ADGRB3: variants seen among roughly 807,000 people sequenced by gnomAD.
ADGRB3 encodes the protein adhesion G protein-coupled receptor B3, also known as brain-specific angiogenesis inhibitor 3.
In ADGRB3, 37 loss-of-function variants were observed where a neutral mutation model predicts 193.4. The ratio of observed to expected loss-of-function variants is 0.19; its 90% CI spans 0.15 to 0.25. The LOEUF (loss-of-function observed/expected upper bound fraction) is 0.25, where lower values mean the gene tolerates loss of function less well. ADGRB3 is among the 10% of genes least tolerant of loss of function. ADGRB3 has a pLI of 1.00. For missense variants in ADGRB3, 1,637 were observed against 1,852.9 expected (o/e 0.88, Z 2.14); for synonymous variants, 690 against 644.2 (o/e 1.07, Z -1.08).
chr6:69,086,499 A>G (rs1772554433), intron 17 of ADGRB3, among the ~76,000 whole-genome samples: 1 of 152,156 alleles, frequency 6.6e-6, no homozygotes, highest in Non-Finnish European at 1.5e-5. Flanking sequence ...ATTTCCTGCC[A>G]CTAATACTTT....
intron 3 of ADGRB3, among the ~76,000 whole-genome samples, chr6:68,774,857 A>G (rs950046775): frequency 6.6e-6 from 1 of 151,604 alleles, no homozygotes. Flanking sequence ...ATTTCTAGCA[A>G]AAAAAAATAC....
chr6:69,334,578 C>A (rs919292879), intron 24 of ADGRB3, among the ~76,000 whole-genome samples: 3 of 152,096 alleles, frequency 2.0e-5, no homozygotes, highest in Admixed American at 6.5e-5. Flanking sequence ...CTTTCTAGAT[C>A]ATTTGAACAC....
rs1340596030 is a variant in ADGRB3, at chr6:69,175,141, T to A, written c.2481-58149T>A. Among the ~76,000 whole-genome samples the A allele has an allele frequency of 2.0e-5, 3 of 152,316 alleles. No homozygotes were observed. In the East Asian group the frequency reaches 5.8e-4, roughly 29 times the overall value. On this transcript the variant is annotated intron_variant, in intron 17 of 31. Coordinates refer to ENST00000370598, the MANE Select transcript of ADGRB3 (RefSeq NM_001704.3). ...GAACTCACTTGTCAGTTTTTGGGTT[T>A]TTTTTGTTGCAATTGTTTTTGAGGA... is the stretch of plus-strand genomic sequence containing the variant.
At chr6:69,059,140 C>T (rs1771639697) in intron 15 of ADGRB3, among the ~76,000 whole-genome samples, 1 of 151,996 alleles carries the variant, frequency 6.6e-6, no homozygotes, top group Non-Finnish European at 1.5e-5. Context: ...GGTGCTATGA[C>T]ATTAGGTGCA....
intron 20 of ADGRB3, among the ~76,000 whole-genome samples, chr6:69,289,811 G>A (rs1767627883): frequency 6.6e-6 from 1 of 151,472 alleles, no homozygotes; most frequent in Non-Finnish European, 1.5e-5. Flanking sequence ...GTTCATCACC[G>A]ACTAAGGTGC....
chr6:68,884,108 CT>C (rs1401170788), intron 3 of ADGRB3, among the ~76,000 whole-genome samples: 3 of 152,162 alleles, frequency 2.0e-5, no homozygotes, highest in Non-Finnish European at 4.4e-5. Context: ...GAGATCATGG[CT>C]TTGGTTTCCA....
chr6:68,653,389 G>A (rs1554165732), intron 3 of ADGRB3, among the ~76,000 whole-genome samples: 5 of 152,166 alleles, frequency 3.3e-5, no homozygotes, highest in Admixed American at 2.0e-4. Flanking sequence ...GTGCTAAAAC[G>A]TGATTAGTTA....
chr6:69,109,455 A>G (rs1187274396), intron 17 of ADGRB3, among the ~76,000 whole-genome samples: 1 of 152,200 alleles, frequency 6.6e-6, no homozygotes, highest in Non-Finnish European at 1.5e-5. Context: ...ATAAAAGTAA[A>G]TAGTAAAAAT....
intron 3 of ADGRB3, among the ~76,000 whole-genome samples, chr6:68,844,869 A>G (rs751546002): frequency 1.3e-5 from 2 of 152,216 alleles, no homozygotes; most frequent in Non-Finnish European, 2.9e-5. Flanking sequence ...TCAGGCACAG[A>G]AAAACAAACT....
At chr6:68,651,722 T>G (rs1158729686) in intron 3 of ADGRB3, among the ~76,000 whole-genome samples, 1 of 152,126 alleles carries the variant, frequency 6.6e-6, no homozygotes, top group African/African-American at 2.4e-5. Context: ...AAGAGCCTTT[T>G]AAAAACAGAG....
intron 20 of ADGRB3, among the ~76,000 whole-genome samples, chr6:69,256,397 T>G (rs1267003095): frequency 1.3e-5 from 2 of 152,152 alleles, no homozygotes; most frequent in Non-Finnish European, 2.9e-5. Context: ...GGTTTGTAGT[T>G]CTCCTTGAAG....
chr6:69,164,063 C>A (rs1240154706), intron 17 of ADGRB3, among the ~76,000 whole-genome samples: 3 of 152,042 alleles, frequency 2.0e-5, no homozygotes, highest in Non-Finnish European at 4.4e-5. Flanking sequence ...GAGGTATTGT[C>A]TAATTCAGCT....
rs926702404 is a variant in ADGRB3, at chr6:69,161,431, G to A, written c.2481-71859G>A. Among the ~76,000 whole-genome samples, 4 of 152,148 alleles carry A rather than the reference G, an allele frequency of 2.6e-5. No individual in the cohort carries two copies. In the South Asian group the frequency reaches 8.3e-4, roughly 32 times the overall value. On this transcript the variant is annotated intron_variant, in intron 17 of 31. Transcript: ENST00000370598. ...ATGGTTTTAGACTTCATTCTGTAAA[G>A]CAGTGGTTTCTAAACTTCAGCATGC...
At chr6:69,332,189 G>A in intron 23 of ADGRB3, 1 of 985,332 alleles carries the variant, frequency 1.0e-6, no homozygotes, top group South Asian at 4.7e-5. Flanking sequence ...CATCTATGCA[G>A]TTTTTACAGT....
chr6:69,092,976 G>T (rs910374653), intron 17 of ADGRB3, among the ~76,000 whole-genome samples: 1 of 150,606 alleles, frequency 6.6e-6, no homozygotes, highest in African/African-American at 2.4e-5. Flanking sequence ...GACAGCCTAG[G>T]TTCAGGAGGA....
Position 68,829,073 on chromosome 6 carries a change from T to A in ADGRB3, c.758-101486T>A, listed in dbSNP as rs375935071. ...AAAACAAATCAGGTTGTTTTTTTTT[T>A]AATAGCTGTTTAAGTAACTTTTTTT... On this transcript the variant is annotated intron_variant, in intron 3 of 31. Coordinates refer to ENST00000370598, the MANE Select transcript of ADGRB3 (RefSeq NM_001704.3). 2.0e-5 allele frequency among the ~76,000 whole-genome samples: 3 copies of A among 151,394 alleles called. No individual in the cohort carries two copies. In the Middle Eastern group the frequency reaches 0.01, roughly 518 times the overall value.
chr6:68,829,392 G>T (rs965943229), intron 3 of ADGRB3, among the ~76,000 whole-genome samples: 1 of 151,866 alleles, frequency 6.6e-6, no homozygotes, highest in African/African-American at 2.4e-5. Flanking sequence ...ATGAGCCACC[G>T]CACCCAGGCA....
chr6:69,286,363 T>G (rs1046511470), intron 20 of ADGRB3, among the ~76,000 whole-genome samples: 7 of 152,212 alleles, frequency 4.6e-5, no homozygotes, highest in African/African-American at 1.7e-4. Context: ...TCCTACTTTC[T>G]CCCCCCTTAA....
chr6:68,822,243 T>C (rs1186425088), intron 3 of ADGRB3, among the ~76,000 whole-genome samples: 2 of 151,990 alleles, frequency 1.3e-5, no homozygotes, highest in African/African-American at 2.4e-5. Flanking sequence ...TATAGCTTTT[T>C]ATGTAGGCAA....
Sources: gnomAD v4.1 joint callset for allele counts (sites outside exome capture counted in the v4.1 genomes callset) on GRCh38, gnomAD v4.1.1 for gene constraint, MANE v1.5 for transcripts, NCBI Gene and HGNC (gene_info 2026-07-23, HGNC 2026-07-21) for gene names.